The following ARHGEF4 variants were observed in gnomAD, a reference collection of about 807,000 sequenced individuals.
The protein encoded by ARHGEF4 is Rho guanine nucleotide exchange factor 4.
A neutral mutation model predicts 162.0 loss-of-function variants in ARHGEF4; 119 were observed. The ratio of observed to expected loss-of-function variants is 0.73; its 90% CI spans 0.63 to 0.86. The LOEUF (loss-of-function observed/expected upper bound fraction) is 0.86. ARHGEF4 is among the 40% of genes least tolerant of loss of function. The pLI, the probability that ARHGEF4 is intolerant of heterozygous loss-of-function variation, is 0.00. For synonymous variants in ARHGEF4, 1,014 were observed against 979.9 expected (o/e 1.03, Z -0.65); for missense variants, 2,488 against 2,456.0 (o/e 1.01, Z -0.28).
intron 4 of ARHGEF4, among the ~76,000 whole-genome samples, chr2:130,986,320 C>T (rs144185126): frequency 1.3e-3 from 199 of 152,280 alleles, no homozygotes; most frequent in Middle Eastern, 6.8e-3. Flanking sequence ...GCAGTGTGTT[C>T]ACATGGAGAG....
chr2:131,040,641 A>G (rs997354602), intron 8 of ARHGEF4, among the ~76,000 whole-genome samples: 2 of 152,200 alleles, frequency 1.3e-5, no homozygotes, highest in African/African-American at 4.8e-5. Flanking sequence ...AAACCAAGTC[A>G]GGGAACGCTC....
intron 3 of ARHGEF4, among the ~76,000 whole-genome samples, chr2:130,940,566 C>G (rs888258905): frequency 4.6e-5 from 7 of 150,638 alleles, no homozygotes; most frequent in African/African-American, 1.7e-4. Context: ...GTAGGCCGGG[C>G]GCGGTGGCTC....
intron 1 of ARHGEF4, among the ~76,000 whole-genome samples, chr2:130,899,497 G>C (rs1045383613): frequency 2.0e-5 from 3 of 152,176 alleles, no homozygotes; most frequent in Non-Finnish European, 4.4e-5. Context: ...CGGGCAGGAG[G>C]GACAGCATGT....
At chr2:130,989,365 G>C (rs1686785724) in intron 4 of ARHGEF4, among the ~76,000 whole-genome samples, 2 of 152,166 alleles carry the variant, frequency 1.3e-5, no homozygotes, top group African/African-American at 4.8e-5. Context: ...GATTTTGACT[G>C]TAGTTTTTTT....
intron 1 of ARHGEF4, among the ~76,000 whole-genome samples, chr2:130,859,037 G>A (rs1046475742): frequency 3.1e-4 from 1 of 3,258 alleles, no homozygotes; most frequent in African/African-American, 7.2e-4. Flanking sequence ...GTAAATCTTT[G>A]CATCTTGGGT....
At chr2:131,023,278 A>G (rs1452289289) in intron 4 of ARHGEF4, among the ~76,000 whole-genome samples, 1 of 151,840 alleles carries the variant, frequency 6.6e-6, no homozygotes, top group Non-Finnish European at 1.5e-5. Context: ...AAGTTTTTCC[A>G]GAAAATTAGG....
chr2:130,971,313 A>G (rs1685348148), intron 4 of ARHGEF4, among the ~76,000 whole-genome samples: 1 of 152,140 alleles, frequency 6.6e-6, no homozygotes, highest in Admixed American at 6.5e-5. Flanking sequence ...TTCTTTTTCA[A>G]CATTGTTTTA....
At chr2:130,861,094 G>A (rs1345632452) in intron 1 of ARHGEF4, among the ~76,000 whole-genome samples, 1 of 62,892 alleles carries the variant, frequency 1.6e-5, no homozygotes, top group Non-Finnish European at 2.7e-5. Flanking sequence ...AGGAAGAACC[G>A]AGGTACAAAA....
chr2:130,984,918 C>A (rs1222208872), intron 4 of ARHGEF4, among the ~76,000 whole-genome samples: 1 of 151,948 alleles, frequency 6.6e-6, no homozygotes. Context: ...ATCCTGCTGT[C>A]TGGTACCTAC....
At position 130,956,077 on chromosome 2, in the gene ARHGEF4, T is replaced by A. The variant is rs186092729; in HGVS notation, c.3985+9442T>A. On this transcript the variant is annotated intron_variant, in intron 4 of 13. Transcript: ENST00000409359. ...TAGCCTAATGTCCTCTCAGCTTGCC[T>A]CTCCTGGCATGGAACCACCACCTTA... 2.1e-3 allele frequency among the ~76,000 whole-genome samples: 327 copies of A among 152,312 alleles called. 2 individuals are homozygous for A. Among genetic ancestry groups the A allele is most frequent in the African/African-American group, 7.4e-3 (309 of 41,572 alleles).
At chr2:130,998,127 A>G (rs1687523495) in intron 4 of ARHGEF4, among the ~76,000 whole-genome samples, 1 of 152,242 alleles carries the variant, frequency 6.6e-6, no homozygotes, top group Non-Finnish European at 1.5e-5. Context: ...TCTACATGCA[A>G]ATCACAAGTC....
intron 4 of ARHGEF4, among the ~76,000 whole-genome samples, chr2:131,000,185 C>A (rs1451628948): frequency 1.3e-5 from 2 of 152,160 alleles, no homozygotes; most frequent in African/African-American, 4.8e-5. Flanking sequence ...AGTGCTTTTT[C>A]AGCCTTCATT....
At chr2:131,045,540 C>T (rs1417850106) in intron 13 of ARHGEF4, 94 bp downstream of exon 13, 12 of 1,612,256 alleles carry the variant, frequency 7.4e-6, no homozygotes, top group East Asian at 2.2e-5. Flanking sequence ...GCCAGCTAGC[C>T]ACCAGGCCTG....
At chr2:130,970,354 T>C (rs1315638218) in intron 4 of ARHGEF4, among the ~76,000 whole-genome samples, 3 of 152,112 alleles carry the variant, frequency 2.0e-5, no homozygotes, top group Non-Finnish European at 4.4e-5. Flanking sequence ...TTTGGGAGGC[T>C]GAGGCAGGTG....
chr2:130,884,706 C>G (rs981811512), intron 1 of ARHGEF4, among the ~76,000 whole-genome samples: 4 of 152,104 alleles, frequency 2.6e-5, no homozygotes, highest in Non-Finnish European at 5.9e-5. Context: ...ATGGAACTGC[C>G]CCTGAGTGGC....
At chr2:130,975,041 TA>T (rs1178646891) in intron 4 of ARHGEF4, among the ~76,000 whole-genome samples, 1 of 151,876 alleles carries the variant, frequency 6.6e-6, no homozygotes, top group Non-Finnish European at 1.5e-5. Flanking sequence ...AGCTCTTTTT[TA>T]AGAGCAGCGT....
chr2:130,989,525 A>G (rs540405498), intron 4 of ARHGEF4, among the ~76,000 whole-genome samples: 62 of 152,392 alleles, frequency 4.1e-4, no homozygotes, highest in African/African-American at 1.5e-3. Context: ...AGCATTGCAC[A>G]TGACTATGAC....
intron 1 of ARHGEF4, among the ~76,000 whole-genome samples, chr2:130,884,038 C>T (rs535774139): frequency 6.6e-6 from 1 of 152,130 alleles, no homozygotes; most frequent in African/African-American, 2.4e-5. Flanking sequence ...ATTATATATC[C>T]TCCTACTGAT....
Position 130,882,175 on chromosome 2 carries a change from T to C in ARHGEF4, c.40-31811T>C, listed in dbSNP as rs539144663. On this transcript the variant is annotated intron_variant, in intron 1 of 13. Coordinates refer to ENST00000409359, the MANE Select transcript of ARHGEF4 (RefSeq NM_001367493.1). ...TAGGGGCTGTTTGTTTGTTCGTCTT[T>C]GAGAAAGGGTCTCAACAGGTCCTGG... 1.8e-3 allele frequency among the ~76,000 whole-genome samples: 270 copies of C among 152,232 alleles called. 1 individual carries two copies. Among genetic ancestry groups the C allele is most frequent in the Non-Finnish European group, 2.8e-3 (190 of 68,016 alleles).
Sources: allele counts gnomAD v4.1 joint callset (sites outside exome capture counted in the v4.1 genomes callset), GRCh38; gene constraint gnomAD v4.1.1; transcripts MANE v1.5; gene names NCBI Gene and HGNC (gene_info 2026-07-23, HGNC 2026-07-21).